The following MAEA variants were observed in gnomAD, a reference collection of about 807,000 sequenced individuals.
MAEA encodes macrophage erythroblast attacher, E3 ubiquitin ligase, also known as E3 ubiquitin-protein transferase MAEA.
A neutral mutation model predicts 46.2 loss-of-function variants in MAEA; 22 were observed. The ratio of observed to expected loss-of-function variants is 0.48; its 90% CI spans 0.34 to 0.68. The LOEUF (loss-of-function observed/expected upper bound fraction) is 0.68. Ranked by LOEUF, MAEA falls within the 30% of genes least tolerant of loss-of-function variation. MAEA has a pLI of 0.01. For synonymous variants in MAEA, 246 were observed against 222.6 expected (o/e 1.11, Z -0.94); for missense variants, 393 against 558.1 (o/e 0.70, Z 2.98).
chr4:1,316,660 C>T (rs75812561), intron 3 of MAEA, among the ~76,000 whole-genome samples: 5,501 of 152,200 alleles, frequency 0.036, 211 homozygotes, highest in East Asian at 0.19. Flanking sequence ...TCTCTTTCCA[C>T]GGCTTAAATC....
At chr4:1,309,979 G>A in intron 1 of MAEA, 1 of 1,245,534 alleles carries the variant, frequency 8.0e-7, no homozygotes, top group Non-Finnish European at 1.0e-6. Flanking sequence ...TTTTCTGGTG[G>A]CGGTCTGGAA....
chr4:1,327,785 TG>T, intron 5 of MAEA, 82 bp downstream of exon 5: 1 of 1,276,296 alleles, frequency 7.8e-7, no homozygotes, highest in Non-Finnish European at 1.1e-6. Context: ...TGTCGTGGTC[TG>T]GGTCCTGGGA....
At chr4:1,326,979 G>A (rs1303210914) in intron 4 of MAEA, among the ~76,000 whole-genome samples, 6 of 151,356 alleles carry the variant, frequency 4.0e-5, no homozygotes, top group Non-Finnish European at 8.8e-5. Context: ...CCCCACATGT[G>A]GTCCCTGTCT....
intron 5 of MAEA, chr4:1,330,015 T>C (rs1739335368): frequency 1.0e-6 from 1 of 985,314 alleles, no homozygotes. Flanking sequence ...TGAGTCCTGC[T>C]GTCTGTGGAG....
At position 1,334,764 on chromosome 4, in the gene MAEA, T is replaced by G. The variant is rs544532457; in HGVS notation, c.765+1899T>G. ...CAAGAAACAGAAGGAAGCATTTTGT[T>G]CAGAGAATGGCAGAAGCCACCAGAA... On this transcript the variant is annotated intron_variant, in intron 6 of 8. Transcript: ENST00000303400. 4 of 576,278 alleles carry G rather than the reference T, an allele frequency of 6.9e-6. No homozygotes were observed. In the South Asian group the frequency reaches 3.1e-4, roughly 45 times the overall value. The allele number at this position is 576,278 out of a possible 1,614,324, so 35.7% of individuals were successfully genotyped here. A position where few individuals can be genotyped will look rare whatever the true frequency, so the allele number is the denominator to read the frequency against.
At chr4:1,335,190 C>T in intron 6 of MAEA, 1 of 985,464 alleles carries the variant, frequency 1.0e-6, no homozygotes, top group Non-Finnish European at 1.2e-6. Context: ...ATGCTTTAAC[C>T]TAACATGGAC....
intron 1 of MAEA, among the ~76,000 whole-genome samples, chr4:1,295,687 A>ACCCCCCTCACCGGCTCCTGTAC (rs1260818297): frequency 2.1e-4 from 1 of 4,870 alleles, no homozygotes; most frequent in African/African-American, 9.8e-4. Context: ...CCGCTCCTAT[A>ACCCCCCTCACCGGCTCCTGTAC]CCCCCTCACC....
At chr4:1,301,239 C>T (rs1735293898) in intron 1 of MAEA, among the ~76,000 whole-genome samples, 1 of 152,246 alleles carries the variant, frequency 6.6e-6, no homozygotes, top group African/African-American at 2.4e-5. Context: ...TGAGGAAGCG[C>T]ATCCTGAAGC....
intron 3 of MAEA, among the ~76,000 whole-genome samples, chr4:1,317,898 G>A (rs1484994268): frequency 2.0e-5 from 3 of 152,296 alleles, no homozygotes; most frequent in East Asian, 1.9e-4. Context: ...ATCGCTGGAC[G>A]GGGTCGTCTG....
At chr4:1,314,682 TCCC>T (rs1185404318) in intron 2 of MAEA, among the ~76,000 whole-genome samples, 1 of 152,204 alleles carries the variant, frequency 6.6e-6, no homozygotes, top group Non-Finnish European at 1.5e-5. Flanking sequence ...CATGGGATTT[TCCC>T]GTGGTGGAAC....
Position 1,312,065 on chromosome 4 carries a change from C to T in MAEA, c.156C>T (p.Ala52=), listed in dbSNP as rs754746909. The change falls in exon 2 of 9, where the codon GCC becomes GCT. Residue 52 remains alanine (A), a synonymous_variant. Transcript: ENST00000303400. ...RETSHVTMVV[A]ELEKTLSGCP... ...CCAGCCACGTCACCATGGTGGTGGC[C>T]GAGCTGGAGAAGACGTTGAGCGGCT... 2.7e-5 allele frequency: 44 copies of T among 1,613,838 alleles called. No homozygotes were observed. Among genetic ancestry groups the T allele is most frequent in the East Asian group, 2.5e-4 (11 of 44,894 alleles).
In MAEA at chr4:1,339,641, G is replaced by A. The variant is rs774994632; in HGVS notation, c.*472G>A. 9.4e-5 allele frequency: 15 copies of A among 159,356 alleles called. No homozygotes were observed. Among genetic ancestry groups the A allele is most frequent in the Non-Finnish European group, 1.8e-4 (13 of 72,560 alleles). 9.9% of individuals were successfully genotyped at this position (159,356 alleles called of 1,614,324 possible). A position where few individuals can be genotyped will look rare whatever the true frequency, so the allele number is the denominator to read the frequency against. ...CTGACCTGCAGTGACCCGCGATGCC[G>A]CGCCACGAGGGACACTTATGGCTTC... On this transcript the variant is annotated 3_prime_UTR_variant, in exon 9 of 9. Transcript: ENST00000303400.
chr4:1,333,544 C>T (rs897696119), intron 6 of MAEA, among the ~76,000 whole-genome samples: 2 of 152,098 alleles, frequency 1.3e-5, no homozygotes, highest in African/African-American at 4.8e-5. Context: ...CTCCGACTCT[C>T]CGCGGTCACT....
chr4:1,296,667 C>T (rs1189226189), intron 1 of MAEA, among the ~76,000 whole-genome samples: 3 of 151,822 alleles, frequency 2.0e-5, no homozygotes, highest in Non-Finnish European at 4.4e-5. Flanking sequence ...CCAGCTACTA[C>T]TCCCTGTCTC....
chr4:1,295,674 C>T (rs73069985), intron 1 of MAEA, among the ~76,000 whole-genome samples: 11,397 of 111,486 alleles, frequency 0.1, 1,564 homozygotes, highest in East Asian at 0.36. Context: ...TGTACCCCCT[C>T]ACCCGCTCCT....
At chr4:1,317,268 C>T (rs981281027) in intron 3 of MAEA, among the ~76,000 whole-genome samples, 2 of 134,388 alleles carry the variant, frequency 1.5e-5, no homozygotes, top group African/African-American at 5.8e-5. Context: ...ACCCCAGCCC[C>T]CACACTCCAG....
intron 5 of MAEA, chr4:1,328,631 C>G: frequency 7.9e-7 from 1 of 1,261,938 alleles, no homozygotes; most frequent in Non-Finnish European, 1.0e-6. Context: ...TATCCACCTG[C>G]AGTGGGCCGG....
rs6818213 is a variant in MAEA, at chr4:1,312,174, T to G, written c.252+13T>G. The stretch of plus-strand genomic sequence containing the variant: ...CCTCAAGAGGAAGGTTGGTCCCGCC[T>G]GGCGGTCCCTCTTCAGTCTGGGGCA... On this transcript the variant is annotated intron_variant, in intron 2 of 8. Coordinates refer to ENST00000303400, the MANE Select transcript of MAEA (RefSeq NM_001017405.3). 9.3e-6 allele frequency: 15 copies of G among 1,613,516 alleles called. No homozygotes were observed. In the African/African-American group the frequency reaches 2.0e-4, roughly 22 times the overall value.
At chr4:1,309,728 G>A in intron 1 of MAEA, 1 of 1,517,286 alleles carries the variant, frequency 6.6e-7, no homozygotes, top group Non-Finnish European at 8.8e-7. Flanking sequence ...CCCCTCCCCG[G>A]CCTCCTTCAT....
Sources: gnomAD v4.1 joint callset for allele counts (sites outside exome capture counted in the v4.1 genomes callset) on GRCh38, gnomAD v4.1.1 for gene constraint, MANE v1.5 for transcripts, NCBI Gene and HGNC (gene_info 2026-07-23, HGNC 2026-07-21) for gene names.